PTPRN2: variants seen among roughly 807,000 people sequenced by gnomAD.
The protein encoded by PTPRN2 is receptor-type tyrosine-protein phosphatase N2.
PTPRN2 carries 74 observed loss-of-function variants against 118.8 expected under a neutral mutation model. That is an observed-to-expected ratio of 0.62 (90% CI 0.52 to 0.76). PTPRN2 has a LOEUF of 0.76. Among genes scored for constraint, PTPRN2 ranks in the 30% least tolerant of loss-of-function variants. The probability of loss-of-function intolerance (pLI) is 0.00; values close to 1 mark genes in which losing one functional copy is unlikely to be tolerated. For missense variants in PTPRN2, 1,481 were observed against 1,394.4 expected (o/e 1.06, Z -0.99); for synonymous variants, 641 against 608.0 (o/e 1.05, Z -0.80).
chr7:158,061,103 C>T (rs942503917), intron 11 of PTPRN2, among the ~76,000 whole-genome samples: 6 of 152,228 alleles, frequency 3.9e-5, no homozygotes, highest in African/African-American at 9.6e-5. Context: ...TTGTCCGTGT[C>T]GCTCAGCTGC....
In PTPRN2 at chr7:157,571,427, A is replaced by G. The variant is rs1197172577; in HGVS notation, c.2837+13T>C. ...TAGCCAAAACTTCTTAATCCATTAAAAGTTGTACTTGCCTGCAATGAACAA... is the reference window on the plus strand; with the variant it reads ...TAGCCAAAACTTCTTAATCCATTAAGAGTTGTACTTGCCTGCAATGAACAA... On this transcript the variant is annotated intron_variant, in intron 20 of 22. Transcript: ENST00000389418. 6.3e-7 allele frequency: 1 copy of G among 1,597,284 alleles called. No individual in the cohort carries two copies. Among genetic ancestry groups the G allele is most frequent in the Non-Finnish European group, 8.6e-7 (1 of 1,169,476 alleles).
At chr7:157,752,966 A>G (rs1801569693) in intron 12 of PTPRN2, among the ~76,000 whole-genome samples, 1 of 152,172 alleles carries the variant, frequency 6.6e-6, no homozygotes, top group East Asian at 1.9e-4. Context: ...CAGTGACCAG[A>G]TGGTTTTGCC....
chr7:158,332,648 G>T (rs1804726279), intron 2 of PTPRN2, among the ~76,000 whole-genome samples: 1 of 147,308 alleles, frequency 6.8e-6, no homozygotes, highest in African/African-American at 2.6e-5. Flanking sequence ...GTCACCATAA[G>T]AGCTGATGCC....
chr7:158,150,657 C>T (rs909994969), intron 6 of PTPRN2, among the ~76,000 whole-genome samples: 1 of 152,128 alleles, frequency 6.6e-6, no homozygotes, highest in Non-Finnish European at 1.5e-5. Context: ...CCCTTGTGAA[C>T]ATAACCCAGG....
chr7:157,755,359 T>A lies in PTPRN2; in HGVS notation c.1789-72422A>T, dbSNP rs549385372. On this transcript the variant is annotated intron_variant, in intron 12 of 22. Transcript: ENST00000389418. ...TAGCTTCTGATGATGTTTGTTATTT[T>A]AAAAATTACAATTTAGTCCTGGGTA... 7.9e-4 allele frequency among the ~76,000 whole-genome samples: 120 copies of A among 152,338 alleles called. 1 individual carries two copies. Among genetic ancestry groups the A allele is most frequent in the African/African-American group, 2.7e-3 (112 of 41,582 alleles).
chr7:158,384,701 A>AC (rs1811200848), intron 2 of PTPRN2, among the ~76,000 whole-genome samples: 1 of 152,206 alleles, frequency 6.6e-6, no homozygotes, highest in Non-Finnish European at 1.5e-5. Context: ...CTGTGTGCAT[A>AC]ACACCCATCT....
intron 2 of PTPRN2, among the ~76,000 whole-genome samples, chr7:158,454,137 G>C (rs111698422): frequency 6.7e-6 from 1 of 149,938 alleles, no homozygotes; most frequent in African/African-American, 2.5e-5. Flanking sequence ...CACAATCACC[G>C]ATGTCAGGAT....
At chr7:158,307,446 T>C (rs1801384831) in intron 3 of PTPRN2, among the ~76,000 whole-genome samples, 2 of 151,852 alleles carry the variant, frequency 1.3e-5, no homozygotes, top group African/African-American at 2.4e-5. Flanking sequence ...TGAGAGACCA[T>C]CCAATGTACT....
intron 10 of PTPRN2, among the ~76,000 whole-genome samples, chr7:158,105,421 C>T (rs940053862): frequency 1.3e-5 from 2 of 152,068 alleles, no homozygotes; most frequent in Non-Finnish European, 2.9e-5. Flanking sequence ...TCCATCCCAG[C>T]TCCATCCCAA....
intron 4 of PTPRN2, among the ~76,000 whole-genome samples, chr7:158,196,955 G>A (rs1826256897): frequency 6.6e-6 from 1 of 152,158 alleles, no homozygotes; most frequent in African/African-American, 2.4e-5. Context: ...GAACAGCCCA[G>A]GCTCCCTAGG....
intron 5 of PTPRN2, among the ~76,000 whole-genome samples, chr7:158,170,856 A>G (rs1222105465): frequency 1.3e-5 from 2 of 152,110 alleles, no homozygotes; most frequent in African/African-American, 4.8e-5. Flanking sequence ...GCTTCAGCAC[A>G]CTATTTAAGT....
At chr7:158,123,332 C>G (rs1817328505) in intron 9 of PTPRN2, among the ~76,000 whole-genome samples, 1 of 152,212 alleles carries the variant, frequency 6.6e-6, no homozygotes. Context: ...GGTGCCCTGA[C>G]CAACGCGTGG....
intron 11 of PTPRN2, among the ~76,000 whole-genome samples, chr7:158,016,200 G>A (rs1806443604): frequency 6.6e-6 from 1 of 152,252 alleles, no homozygotes; most frequent in African/African-American, 2.4e-5. Context: ...TACAAGGGAG[G>A]TGGGGAGGAT....
chr7:157,832,044 C>A (rs1807603948), intron 12 of PTPRN2, among the ~76,000 whole-genome samples: 1 of 152,190 alleles, frequency 6.6e-6, no homozygotes, highest in South Asian at 2.1e-4. Flanking sequence ...TCCGCTAATT[C>A]TCCGGGGTGG....
intron 4 of PTPRN2, among the ~76,000 whole-genome samples, chr7:158,195,361 T>G (rs750620750): frequency 6.6e-6 from 1 of 152,208 alleles, no homozygotes; most frequent in Non-Finnish European, 1.5e-5. Context: ...CACCTTTTTT[T>G]CCTCTGGCTG....
intron 12 of PTPRN2, among the ~76,000 whole-genome samples, chr7:157,719,534 T>C (rs940878445): frequency 1.6e-4 from 25 of 152,238 alleles, no homozygotes; most frequent in Non-Finnish European, 2.9e-5. Context: ...GCGGAGAACT[T>C]CGTGCCTGCT....
intron 12 of PTPRN2, among the ~76,000 whole-genome samples, chr7:157,873,393 C>T (rs1036452189): frequency 2.6e-5 from 4 of 152,348 alleles, no homozygotes; most frequent in African/African-American, 4.8e-5. Flanking sequence ...GGCCGCGCCC[C>T]GAGGCTTTGC....
chr7:158,005,854 G>T (rs1192195179), intron 11 of PTPRN2, among the ~76,000 whole-genome samples: 2 of 152,226 alleles, frequency 1.3e-5, no homozygotes, highest in African/African-American at 2.4e-5. Flanking sequence ...TAAAATGCAC[G>T]TGTGTGCAAA....
At chr7:158,500,701 C>T (rs1348041266) in intron 1 of PTPRN2, among the ~76,000 whole-genome samples, 1 of 152,350 alleles carries the variant, frequency 6.6e-6, no homozygotes. Flanking sequence ...CTCACTGGGG[C>T]GCAGCAAACC....
Sources: gnomAD v4.1 joint callset for allele counts (sites outside exome capture counted in the v4.1 genomes callset) on GRCh38, gnomAD v4.1.1 for gene constraint, MANE v1.5 for transcripts, NCBI Gene and HGNC (gene_info 2026-07-23, HGNC 2026-07-21) for gene names.